The following NPTN variants were observed in gnomAD, a reference collection of about 807,000 sequenced individuals.
NPTN encodes the protein neuroplastin.
In NPTN, 5 loss-of-function variants were observed where a neutral mutation model predicts 42.7. The ratio of observed to expected loss-of-function variants is 0.12; its 90% CI spans 0.06 to 0.25. The LOEUF (loss-of-function observed/expected upper bound fraction) is 0.25, where lower values mean the gene tolerates loss of function less well. Among genes scored for constraint, NPTN ranks in the 10% least tolerant of loss-of-function variants. NPTN has a pLI of 1.00. For synonymous variants in NPTN, 180 were observed against 201.9 expected, an observed-to-expected ratio of 0.89 and a Z score of 0.92; for missense variants, 307 against 525.4, an observed-to-expected ratio of 0.58 and a Z score of 4.06.
At chr15:73,617,891 T>C (rs1312236679) in intron 1 of NPTN, among the ~76,000 whole-genome samples, 1 of 152,232 alleles carries the variant, frequency 6.6e-6, no homozygotes, top group African/African-American at 2.4e-5. Flanking sequence ...GGTGTTTTTT[T>C]CTCCCTTTAA....
chr15:73,567,047 C>A (rs1459909081), intron 6 of NPTN: 2 of 942,632 alleles, frequency 2.1e-6, no homozygotes, highest in African/African-American at 3.7e-5. Context: ...AAACCTCAAT[C>A]CTAAGCATTT....
chr15:73,595,750 C>T lies in NPTN; in HGVS notation c.439+1272G>A, dbSNP rs79534536. Among the ~76,000 whole-genome samples the T allele has an allele frequency of 4.6e-3, 697 of 152,282 alleles. 3 individuals are homozygous for T. Among genetic ancestry groups the T allele is most frequent in the African/African-American group, 0.016 (665 of 41,566 alleles). On this transcript the variant is annotated intron_variant, in intron 2 of 8. Coordinates refer to ENST00000345330, the MANE Select transcript of NPTN (RefSeq NM_012428.4). ...AAAGTGAATGTCCCCTCAATTATAA[C>T]CAGGTTTGATGTGGGGCCAGAACTC...
At chr15:73,608,541 A>G (rs1224934444) in intron 1 of NPTN, among the ~76,000 whole-genome samples, 1 of 152,200 alleles carries the variant, frequency 6.6e-6, no homozygotes, top group Non-Finnish European at 1.5e-5. Context: ...TCAAGCACCT[A>G]TTAAGTGCTC....
intron 5 of NPTN, among the ~76,000 whole-genome samples, chr15:73,572,187 T>G (rs1446027650): frequency 1.3e-5 from 2 of 152,162 alleles, no homozygotes; most frequent in Non-Finnish European, 2.9e-5. Flanking sequence ...ACTTGAAATT[T>G]AAAAAAACTA....
intron 1 of NPTN, among the ~76,000 whole-genome samples, chr15:73,632,429 A>G (rs1205049740): frequency 1.3e-5 from 2 of 151,480 alleles, no homozygotes; most frequent in Non-Finnish European, 2.9e-5. Flanking sequence ...CACCCTCTTT[A>G]GCAAACCCAG....
chr15:73,563,654 G>A, intron 6 of NPTN: 1 of 799,104 alleles, frequency 1.3e-6, no homozygotes, highest in Non-Finnish European at 1.5e-6. Context: ...TGTGGTGAAT[G>A]CATGCAGTTT....
Position 73,633,318 on chromosome 15 carries a change from A to T in NPTN, c.-103T>A, listed in dbSNP as rs1352129804. The stretch of plus-strand genomic sequence containing the variant: ...GGGCGGGCGAGTGCGCGAGGGAGTG[A>T]GCGAGGGAGGCAGCCGCGGCTCGGC... On this transcript the variant is annotated 5_prime_UTR_variant, in exon 1 of 9. Transcript: ENST00000345330. 1.2e-6 allele frequency: 1 copy of T among 866,014 alleles called. No homozygotes were observed. The highest frequency in any genetic ancestry group is 1.7e-6 in the Non-Finnish European group (1 of 603,332). 53.6% of individuals were successfully genotyped at this position (866,014 alleles called of 1,614,324 possible).
intron 1 of NPTN, among the ~76,000 whole-genome samples, chr15:73,598,658 T>C (rs968583570): frequency 6.6e-6 from 1 of 152,176 alleles, no homozygotes. Context: ...TCTGATTGGC[T>C]TGGAAACGTC....
intron 1 of NPTN, among the ~76,000 whole-genome samples, chr15:73,609,802 G>A (rs947549252): frequency 7.2e-5 from 11 of 151,836 alleles, no homozygotes; most frequent in Non-Finnish European, 1.3e-4. Context: ...ATATATTTAT[G>A]GGATACATAG....
chr15:73,574,602 G>A (rs937495687), intron 4 of NPTN, among the ~76,000 whole-genome samples: 5 of 152,230 alleles, frequency 3.3e-5, no homozygotes, highest in South Asian at 2.1e-4. Context: ...TTGTATAGAC[G>A]GGGTCTTACT....
chr15:73,570,690 A>T lies in NPTN; in HGVS notation c.841-267T>A, dbSNP rs1895321639. Among the ~76,000 whole-genome samples the T allele has an allele frequency of 6.6e-6, 1 of 152,204 alleles. No individual in the cohort carries two copies. Among genetic ancestry groups the T allele is most frequent in the African/African-American group, 2.4e-5 (1 of 41,456 alleles). ...GGTCCTACTGCCTGGAGACTCAGAA[A>T]AGTCCAACAACCTAGTAAATGCTGC... On this transcript the variant is annotated intron_variant, in intron 5 of 8. Transcript: ENST00000345330. The surrounding 1 kb of genome is among the most constrained non-coding windows in gnomAD (Gnocchi z 4.0).
intron 4 of NPTN, among the ~76,000 whole-genome samples, chr15:73,577,539 A>G (rs1274386194): frequency 1.3e-5 from 2 of 152,236 alleles, no homozygotes; most frequent in Non-Finnish European, 2.9e-5. Flanking sequence ...TTAAACAAAG[A>G]TGGTAACAAC....
chr15:73,572,200 T>C (rs1379178259), intron 5 of NPTN, among the ~76,000 whole-genome samples: 1 of 152,208 alleles, frequency 6.6e-6, no homozygotes, highest in Non-Finnish European at 1.5e-5. Flanking sequence ...AAAAACTAGA[T>C]ACAACTCTTG....
intron 1 of NPTN, among the ~76,000 whole-genome samples, chr15:73,609,803 G>T (rs979356140): frequency 7.3e-5 from 11 of 151,632 alleles, no homozygotes; most frequent in Non-Finnish European, 1.3e-4. Flanking sequence ...TATATTTATG[G>T]GATACATAGT....
Position 73,628,588 on chromosome 15 carries a change from G to A in NPTN, c.91+4537C>T, listed in dbSNP as rs376405235. Among the ~76,000 whole-genome samples, 92 of 151,876 alleles carry A rather than the reference G, an allele frequency of 6.1e-4. 1 individual carries two copies. In the South Asian group the frequency reaches 0.015, roughly 25 times the overall value. On this transcript the variant is annotated intron_variant, in intron 1 of 8. Coordinates refer to ENST00000345330, the MANE Select transcript of NPTN (RefSeq NM_012428.4). The stretch of plus-strand genomic sequence containing the variant: ...TAGCACTTTATCTCCTTCCCGAATC[G>A]TTGTAAAAAACCTTTACACAGACCC...
chr15:73,625,552 C>T (rs1308279506), intron 1 of NPTN, among the ~76,000 whole-genome samples: 1 of 152,048 alleles, frequency 6.6e-6, no homozygotes, highest in Non-Finnish European at 1.5e-5. Flanking sequence ...AGGATGGTCT[C>T]GATCTCCTGA....
chr15:73,602,119 A>G (rs982256122), intron 1 of NPTN, among the ~76,000 whole-genome samples: 1 of 152,212 alleles, frequency 6.6e-6, no homozygotes, highest in Non-Finnish European at 1.5e-5. Flanking sequence ...AAGTAAAAAA[A>G]GCTAGCCTAG....
chr15:73,628,195 T>C (rs1289660162), intron 1 of NPTN, among the ~76,000 whole-genome samples: 3 of 152,206 alleles, frequency 2.0e-5, no homozygotes, highest in African/African-American at 7.2e-5. Flanking sequence ...ATTTTAACTT[T>C]GATGTGTGAA....
intron 1 of NPTN, among the ~76,000 whole-genome samples, chr15:73,611,776 G>T (rs1897592940): frequency 6.6e-6 from 1 of 152,260 alleles, no homozygotes; most frequent in African/African-American, 2.4e-5. Context: ...ATGTGTCAGT[G>T]TAGGTTCATC....
Sources: gnomAD v4.1 joint callset for allele counts (sites outside exome capture counted in the v4.1 genomes callset) on GRCh38, gnomAD v4.1.1 for gene constraint, Gnocchi (gnomAD v3.1) non-coding constraint, MANE v1.5 for transcripts, NCBI Gene and HGNC (gene_info 2026-07-23, HGNC 2026-07-21) for gene names.